The following CAMTA1 variants were observed in gnomAD, a reference collection of about 807,000 sequenced individuals.
The protein encoded by CAMTA1 is calmodulin-binding transcription activator 1.
A neutral mutation model predicts 170.9 loss-of-function variants in CAMTA1; 27 were observed. That is an observed-to-expected ratio of 0.16 (90% CI 0.12 to 0.22). CAMTA1 has a LOEUF of 0.22. Among genes scored for constraint, CAMTA1 ranks in the 10% least tolerant of loss-of-function variants. The probability of loss-of-function intolerance (pLI) is 1.00; values close to 1 mark genes in which losing one functional copy is unlikely to be tolerated. For missense variants in CAMTA1, 1,619 were observed against 2,217.2 expected (o/e 0.73, Z 5.42); for synonymous variants, 833 against 891.5 (o/e 0.93, Z 1.17).
intron 3 of CAMTA1, among the ~76,000 whole-genome samples, chr1:7,012,790 C>A (rs979485057): frequency 1.3e-5 from 2 of 152,204 alleles, no homozygotes. Flanking sequence ...TCCTTGGATT[C>A]CCTGTCTGCC....
chr1:7,327,988 C>A (rs974753257), intron 5 of CAMTA1, among the ~76,000 whole-genome samples: 6 of 151,922 alleles, frequency 3.9e-5, no homozygotes, highest in African/African-American at 1.5e-4. Context: ...AAATATTAGT[C>A]CAGTGTCTCT....
At chr1:7,550,516 C>T (rs933379754) in intron 6 of CAMTA1, among the ~76,000 whole-genome samples, 7 of 151,354 alleles carry the variant, frequency 4.6e-5, no homozygotes, top group South Asian at 2.1e-4. Flanking sequence ...GTAGGGGCCT[C>T]GCCCTCTGTC....
At chr1:7,011,121 G>A (rs906958344) in intron 3 of CAMTA1, among the ~76,000 whole-genome samples, 2 of 152,260 alleles carry the variant, frequency 1.3e-5, no homozygotes, top group Non-Finnish European at 2.9e-5. Context: ...TCTGCAGAAG[G>A]AAGCCACTGC....
At chr1:6,928,206 T>C (rs1194389973) in intron 3 of CAMTA1, among the ~76,000 whole-genome samples, 1 of 152,228 alleles carries the variant, frequency 6.6e-6, no homozygotes, top group African/African-American at 2.4e-5. Context: ...TTCAAGTCTG[T>C]GGCCACGCTG....
chr1:7,394,762 C>T (rs1268115703), intron 5 of CAMTA1, among the ~76,000 whole-genome samples: 2 of 151,114 alleles, frequency 1.3e-5, no homozygotes, highest in Non-Finnish European at 2.9e-5. Flanking sequence ...TTTAAAAAAT[C>T]CTTACCCAGA....
rs922167053 is a variant in CAMTA1, at chr1:7,155,390, G to A, written c.302+64019G>A. ...CCAGCCTCTGTGAGGGCACCGTTGG[G>A]GGGGGGATTGGGCAGGGAAAAGAGT... On this transcript the variant is annotated intron_variant, in intron 4 of 22. Transcript: ENST00000303635. 2.3e-4 allele frequency among the ~76,000 whole-genome samples: 17 copies of A among 74,016 alleles called. 1 individual carries two copies. The highest frequency in any genetic ancestry group is 1.7e-3 in the Admixed American group (11 of 6,318). The allele number at this position is 74,016 out of a possible 152,430, so 48.6% of individuals were successfully genotyped here.
chr1:7,312,091 G>C (rs1676812170), intron 5 of CAMTA1, among the ~76,000 whole-genome samples: 1 of 152,130 alleles, frequency 6.6e-6, no homozygotes, highest in Non-Finnish European at 1.5e-5. Flanking sequence ...CAGTTGTACA[G>C]ATGCCATGAC....
At chr1:7,104,080 TACACACA>T (rs1169987255) in intron 4 of CAMTA1, among the ~76,000 whole-genome samples, 1 of 145,672 alleles carries the variant, frequency 6.9e-6, no homozygotes, top group Non-Finnish European at 1.5e-5. Context: ...TACACAGATG[TACACACA>T]ACACACATAC....
intron 5 of CAMTA1, among the ~76,000 whole-genome samples, chr1:7,374,023 G>C: frequency 6.6e-6 from 1 of 152,200 alleles, no homozygotes; most frequent in Non-Finnish European, 1.5e-5. Flanking sequence ...CCTGACTGGT[G>C]GCTCCTGCCC....
Position 7,456,482 on chromosome 1 carries a change from A to G in CAMTA1, c.439-11348A>G, listed in dbSNP as rs1244777681. On this transcript the variant is annotated intron_variant, in intron 5 of 22. Transcript: ENST00000303635. The surrounding 1 kb of genome is among the most constrained non-coding windows in gnomAD (Gnocchi z 4.9). ...CTTTTAGGAAGTATTTGAGATAGCA[A>G]CAGCACTGATACATTGAAATAGGCT... Among the ~76,000 whole-genome samples the G allele has an allele frequency of 6.6e-6, 1 of 152,218 alleles. No homozygotes were observed. Among genetic ancestry groups the G allele is most frequent in the African/African-American group, 2.4e-5 (1 of 41,450 alleles).
At chr1:6,846,175 TAA>T (rs1658054902) in intron 3 of CAMTA1, among the ~76,000 whole-genome samples, 4 of 152,220 alleles carry the variant, frequency 2.6e-5, no homozygotes, top group Admixed American at 2.6e-4. Context: ...CCAAACCATA[TAA>T]GATACATTTT....
chr1:7,342,095 G>A (rs1473973602), intron 5 of CAMTA1, among the ~76,000 whole-genome samples: 1 of 152,246 alleles, frequency 6.6e-6, no homozygotes, highest in Non-Finnish European at 1.5e-5. Context: ...GAGGCACACA[G>A]CAGTTTCCTC....
chr1:7,224,445 G>A lies in CAMTA1; in HGVS notation c.303-25046G>A, dbSNP rs1164845563. Among the ~76,000 whole-genome samples the A allele has an allele frequency of 6.6e-6, 1 of 152,114 alleles. No homozygotes were observed. The highest frequency in any genetic ancestry group is 2.4e-5 in the African/African-American group (1 of 41,416). ...CCAGCAGCTGGCTGAATCTGAGAAG[G>A]TTTTCATGTTCCCAACGAGATCCAA... On this transcript the variant is annotated intron_variant, in intron 4 of 22. Transcript: ENST00000303635. The surrounding 1 kb of genome is among the most constrained non-coding windows in gnomAD (Gnocchi z 5.2).
At chr1:7,599,894 G>A (rs369094360) in intron 6 of CAMTA1, among the ~76,000 whole-genome samples, 93 of 152,258 alleles carry the variant, frequency 6.1e-4, no homozygotes, top group African/African-American at 2.0e-3. Flanking sequence ...AAACAGGGAC[G>A]ATTTGACTTC....
rs778982623 is a variant in CAMTA1, at chr1:7,738,479, A to G, written c.4179A>G (p.Ile1393Met). 3.1e-6 allele frequency: 5 copies of G among 1,612,782 alleles called. No homozygotes were observed. The South Asian group carries it at 4.4e-5, about 14-fold the overall frequency. The change falls in exon 16 of 23, where the codon ATA (isoleucine) becomes ATG (methionine). Residue 1393 changes from isoleucine to methionine, a missense_variant. This residue lies in a region of CAMTA1 where 370 missense variants were observed against 429.4 expected (regional missense o/e 0.86). Coordinates refer to ENST00000303635, the MANE Select transcript of CAMTA1 (RefSeq NM_015215.4). This position sits in a 1 kb window ranked among gnomAD's most constrained non-coding sequence, Gnocchi z 4.9. ...AATGCGGCCAGCCCATGGATGACATACAGGTAAAAAGCAGGGACAGGGTAA... is the reference window on the plus strand; with the variant it reads ...AATGCGGCCAGCCCATGGATGACATGCAGGTAAAAAGCAGGGACAGGGTAA... ...NEECGQPMDDIQVNMMTLAEH... is the reference protein window; with the variant it reads ...NEECGQPMDDMQVNMMTLAEH...
intron 3 of CAMTA1, among the ~76,000 whole-genome samples, chr1:6,903,357 G>A (rs7537466): frequency 0.18 from 27,791 of 152,196 alleles, 2,583 homozygotes; most frequent in East Asian, 0.28. Context: ...AACTCATCCA[G>A]CAGATGAAGA....
At chr1:7,327,952 GT>G (rs374927229) in intron 5 of CAMTA1, among the ~76,000 whole-genome samples, 10 of 150,254 alleles carry the variant, frequency 6.7e-5, no homozygotes, top group East Asian at 3.9e-4. Context: ...CTGTTTGTTT[GT>G]TTTTTTTTCC....
rs751087071 is a variant in CAMTA1, at chr1:7,737,021, A to T, written c.3342+12A>T. 3 of 1,592,000 alleles carry T rather than the reference A, an allele frequency of 1.9e-6. No individual in the cohort carries two copies. In the East Asian group the frequency reaches 6.7e-5, roughly 36 times the overall value. ...CCTGTACTCCTCTGGTAAGGAATGG[A>T]TTCCTGTAGCCCCCCCTTGCTGTTC... On this transcript the variant is annotated intron_variant, in intron 14 of 22. Coordinates refer to ENST00000303635, the MANE Select transcript of CAMTA1 (RefSeq NM_015215.4).
At chr1:7,339,510 C>T (rs996720134) in intron 5 of CAMTA1, among the ~76,000 whole-genome samples, 2 of 152,198 alleles carry the variant, frequency 1.3e-5, no homozygotes. Flanking sequence ...TCCTGCCCTG[C>T]TTGGCCATTC....
Sources: allele counts gnomAD v4.1 joint callset (sites outside exome capture counted in the v4.1 genomes callset), GRCh38; gene constraint gnomAD v4.1.1; regional missense constraint gnomAD v4.1.1; non-coding constraint Gnocchi (gnomAD v3.1); transcripts MANE v1.5; gene names NCBI Gene and HGNC (gene_info 2026-07-23, HGNC 2026-07-21).